Variants in ANKMY1 observed in about 807,000 individuals in gnomAD.
ANKMY1 encodes the protein ankyrin repeat and MYND domain-containing protein 1.
A neutral mutation model predicts 102.0 loss-of-function variants in ANKMY1; 98 were observed. The observed-to-expected ratio is 0.96, with a 90% CI of 0.82 to 1.14. The LOEUF (loss-of-function observed/expected upper bound fraction) is 1.14. ANKMY1 is among the 50% of genes most tolerant of loss of function. The pLI is 0.00. For synonymous variants in ANKMY1, 582 were observed against 559.9 expected (o/e 1.04, Z -0.56); for missense variants, 1,330 against 1,347.6 (o/e 0.99, Z 0.20).
chr2:240,471,530 C>A, the ANKMY1 span, among the ~76,000 whole-genome samples: 12 of 151,928 alleles, frequency 7.9e-5, no homozygotes, highest in Middle Eastern at 3.4e-3. Context: ...GTTATCAAAG[C>A]GAAAAGGGGG....
Position 240,557,235 on chromosome 2 carries a change from G to T in ANKMY1, c.101C>A (p.Ala34Asp). ...LEGKGGETPA[A>D]EEPGSLKNYA... The stretch of plus-strand genomic sequence containing the variant: ...GTTCTTCAGGGACCCCGGCTCCTCG[G>T]CAGCAGGGGTCTCGCCGCCCTTCCC... The change falls in exon 2 of 18, where the codon GCC (alanine) becomes GAC (aspartate). Residue 34 changes from alanine to aspartate, a missense_variant. Coordinates refer to ENST00000401804, the MANE Select transcript of ANKMY1 (RefSeq NM_001282771.3). The T allele has an allele frequency of 1.3e-6, 2 of 1,592,440 alleles. No homozygotes were observed. Among genetic ancestry groups the T allele is most frequent in the Non-Finnish European group, 8.6e-7 (1 of 1,168,664 alleles).
chr2:240,525,953 G>T, intron 6 of ANKMY1, 104 bp from the exon 7 acceptor site: 2 of 1,382,514 alleles, frequency 1.4e-6, no homozygotes, highest in Non-Finnish European at 2.0e-6. Context: ...CTATGGCAGG[G>T]CAGGAACCAG....
At chr2:240,481,387 AGACCGCCGTG>A (rs2075364533) in intron 16 of ANKMY1, among the ~76,000 whole-genome samples, 1 of 152,228 alleles carries the variant, frequency 6.6e-6, no homozygotes, top group African/African-American at 2.4e-5. Context: ...TCCATTCAGG[AGACCGCCGTG>A]GGGCCACACA....
At chr2:240,471,312 G>A in the ANKMY1 span, among the ~76,000 whole-genome samples, 1 of 147,438 alleles carries the variant, frequency 6.8e-6, no homozygotes, top group African/African-American at 2.5e-5. Flanking sequence ...AGGCTGGAGT[G>A]CAGTGGTGTG....
At chr2:240,560,686 T>A, upstream of ANKMY1, 1 of 1,521,324 alleles carries the variant, frequency 6.6e-7, no homozygotes, top group Non-Finnish European at 8.7e-7. Flanking sequence ...GCGGGCGCCA[T>A]GGGACCGGCA....
chr2:240,486,525 T>C lies in ANKMY1; in HGVS notation c.2807-4264A>G, dbSNP rs140594609. Among the ~76,000 whole-genome samples, 1,178 of 152,348 alleles carry C rather than the reference T, an allele frequency of 7.7e-3. 17 individuals are homozygous for C. The highest frequency in any genetic ancestry group is 0.027 in the African/African-American group (1,130 of 41,584). On this transcript the variant is annotated intron_variant, in intron 15 of 17. Transcript: ENST00000401804. ...CTTGCTTTCAAAATACCTTTAGTATTTCTTGTAAGGGAAGGCTATAACAAC... is the reference window on the plus strand; with the variant it reads ...CTTGCTTTCAAAATACCTTTAGTATCTCTTGTAAGGGAAGGCTATAACAAC...
intron 9 of ANKMY1, 119 bp from the exon 10 acceptor site, chr2:240,513,061 G>A: frequency 1.5e-6 from 2 of 1,341,644 alleles, no homozygotes; most frequent in Non-Finnish European, 2.0e-6. Flanking sequence ...ACCATTCTCA[G>A]CCTCACCTGC....
At chr2:240,533,267 G>GA (rs2085880755) in intron 4 of ANKMY1, among the ~76,000 whole-genome samples, 1 of 151,840 alleles carries the variant, frequency 6.6e-6, no homozygotes, top group Non-Finnish European at 1.5e-5. Flanking sequence ...ATGAAGATGA[G>GA]AAAAAAGAGA....
chr2:240,524,430 C>A (rs1343494529), intron 7 of ANKMY1, 49 bp from the exon 8 acceptor site: 6 of 1,547,998 alleles, frequency 3.9e-6, no homozygotes, highest in Non-Finnish European at 5.2e-6. Flanking sequence ...GGAGTGATAA[C>A]CTCATTCTAG....
chr2:240,548,226 T>C (rs2090825225), intron 4 of ANKMY1, among the ~76,000 whole-genome samples: 1 of 152,164 alleles, frequency 6.6e-6, no homozygotes, highest in South Asian at 2.1e-4. Context: ...AATCAGTAAA[T>C]GTAATCCAGC....
At chr2:240,521,499 T>C (rs942792660) in intron 8 of ANKMY1, among the ~76,000 whole-genome samples, 1 of 133,966 alleles carries the variant, frequency 7.5e-6, no homozygotes, top group Non-Finnish European at 1.6e-5. Context: ...AGCTTTTTTT[T>C]TTTTTTTTTT....
chr2:240,521,219 C>A (rs551410160), intron 8 of ANKMY1, among the ~76,000 whole-genome samples: 1 of 152,062 alleles, frequency 6.6e-6, no homozygotes. Context: ...AGCCCACTGG[C>A]CCTGCAGTAG....
intron 9 of ANKMY1, among the ~76,000 whole-genome samples, chr2:240,515,263 G>A (rs1436369726): frequency 2.0e-5 from 3 of 152,294 alleles, no homozygotes; most frequent in East Asian, 1.9e-4. Context: ...TTGGCTGGAC[G>A]CGGTATCTCA....
At chr2:240,500,768 C>T (rs547543293) in intron 13 of ANKMY1, among the ~76,000 whole-genome samples, 1 of 152,318 alleles carries the variant, frequency 6.6e-6, no homozygotes, top group East Asian at 1.9e-4. Flanking sequence ...GGCTGAGCCT[C>T]GCCCTAATGA....
intron 13 of ANKMY1, among the ~76,000 whole-genome samples, chr2:240,500,962 G>A (rs2078076667): frequency 6.6e-6 from 1 of 152,236 alleles, no homozygotes; most frequent in Admixed American, 6.5e-5. Context: ...ACGCCAGGGG[G>A]CATGTTGCTC....
At chr2:240,552,670 G>C (rs182458615) in intron 4 of ANKMY1, 1 of 531,392 alleles carries the variant, frequency 1.9e-6, no homozygotes, top group East Asian at 3.6e-5. Context: ...AAATAAACAC[G>C]TGCGTTTCTT....
At chr2:240,475,077 C>T (rs577042446), downstream of ANKMY1, among the ~76,000 whole-genome samples, 2 of 152,294 alleles carry the variant, frequency 1.3e-5, no homozygotes, top group South Asian at 4.1e-4. Flanking sequence ...TGCAATCTCA[C>T]CTGTATCTAT....
At chr2:240,526,517 C>T in intron 5 of ANKMY1, 72 bp from the exon 6 acceptor site, 1 of 1,587,040 alleles carries the variant, frequency 6.3e-7, no homozygotes, top group Non-Finnish European at 8.6e-7. Context: ...TCCAGCTGGA[C>T]CACCTCCCTC....
At position 240,520,355 on chromosome 2, in the gene ANKMY1, C is replaced by A. The variant is rs1207794169; in HGVS notation, c.2004+7G>T. The A allele has an allele frequency of 2.0e-6, 3 of 1,537,884 alleles. No individual in the cohort carries two copies. Among genetic ancestry groups the A allele is most frequent in the Non-Finnish European group, 1.8e-6 (2 of 1,139,334 alleles). On this transcript the variant is annotated splice_region_variant and intron_variant, in intron 9 of 17. Transcript: ENST00000401804. This position sits in a 1 kb window ranked among gnomAD's most constrained non-coding sequence, Gnocchi z 4.8. ...TCGTCCCGGCGCCCGCCCGCCGCGGCTCCTACCTGCGGCGGAAAGCAGATG... is the reference window on the plus strand; with the variant it reads ...TCGTCCCGGCGCCCGCCCGCCGCGGATCCTACCTGCGGCGGAAAGCAGATG...
Sources: gnomAD v4.1 joint callset for allele counts (sites outside exome capture counted in the v4.1 genomes callset) on GRCh38, gnomAD v4.1.1 for gene constraint, Gnocchi (gnomAD v3.1) non-coding constraint, MANE v1.5 for transcripts, NCBI Gene and HGNC (gene_info 2026-07-23, HGNC 2026-07-21) for gene names.